Variants in PHF8 observed in about 807,000 individuals in gnomAD.
The protein encoded by PHF8 is PHD finger protein 8.
Under a neutral mutation model 74.4 loss-of-function variants are expected in PHF8, and 9 were observed. The observed-to-expected ratio is 0.12, with a 90% CI of 0.07 to 0.21. The LOEUF (loss-of-function observed/expected upper bound fraction) is 0.21. Ranked by LOEUF, PHF8 falls within the 10% of genes least tolerant of loss-of-function variation. PHF8 has a pLI of 1.00. For missense variants in PHF8, 478 were observed against 816.6 expected (o/e 0.59, Z 5.05); for synonymous variants, 311 against 316.6 (o/e 0.98, Z 0.19).
Position 53,939,014 on chromosome X carries a change from T to A in PHF8, c.*144A>T, listed in dbSNP as rs1245272386. 7 of 1,054,412 alleles carry A rather than the reference T, an allele frequency of 6.6e-6. No homozygotes were observed. The East Asian group carries it at 2.4e-4, about 36-fold the overall frequency. The allele number at this position is 1,054,412 out of a possible 1,213,427, so 86.9% of individuals were successfully genotyped here. On this transcript the variant is annotated 3_prime_UTR_variant, in exon 22 of 22. Transcript: ENST00000338154. Reference sequence around the variant, plus strand: ...GAACTAGAAGGAGTCGGTGGAGGGGTCCGTGCCTTTGGTAAGTCCCAAGAA... The same window carrying A: ...GAACTAGAAGGAGTCGGTGGAGGGGACCGTGCCTTTGGTAAGTCCCAAGAA...
intron 2 of PHF8, chrX:54,039,665 A>G (rs185111173): frequency 6.1e-4 from 68 of 112,343 alleles, no homozygotes; most frequent in African/African-American, 1.9e-3. Context: ...ATCAGCACTC[A>G]TATCAAGATG....
rs2064734862 is a variant in PHF8 at position 53,940,500 on chromosome X, T to G, written c.2666A>C (p.Gln889Pro). 3 of 1,200,566 alleles carry G rather than the reference T, an allele frequency of 2.5e-6. No individual in the cohort carries two copies. The highest frequency in any genetic ancestry group is 3.4e-6 in the Non-Finnish European group (3 of 886,826). The change falls in exon 21 of 22, where the codon CAA becomes CCA. Residue 889 changes from glutamine to proline, a missense_variant. Physicochemically the swap from Gln to Pro is moderately conservative, Grantham distance 76. Around this residue, in one of 9 missense-constraint regions of PHF8, gnomAD observed 75 missense variants for 93.3 expected, o/e 0.80. Transcript: ENST00000338154. ...KLAQQELQKA[Q>P]KKKYIKKKPL... is the part of the protein sequence containing the mutation. Reference sequence around the variant, plus strand: ...CTTCTTCTTGATATATTTCTTCTTTTGGGCCTTCTGTAGCTCCTGAAACAC... The same window carrying G: ...CTTCTTCTTGATATATTTCTTCTTTGGGGCCTTCTGTAGCTCCTGAAACAC...
rs1315181495 is a variant in PHF8 at position 53,940,235 on chromosome X, G to T, written c.2931C>A (p.Val977=). ...NRSTTPMAPG[V]FLTQRRPSVG... is the part of the protein sequence containing the mutation. ...CTGAAGGGCGCCGCTGGGTCAAGAAGACACCGGGGGCCATAGGTGTGGTGC... is the reference window on the plus strand; with the variant it reads ...CTGAAGGGCGCCGCTGGGTCAAGAATACACCGGGGGCCATAGGTGTGGTGC... Residue 977 remains valine, a synonymous_variant, in exon 21 of 22, where the codon GTC becomes GTA. Transcript: ENST00000338154. 1 of 1,192,477 alleles carries T rather than the reference G, an allele frequency of 8.4e-7. No individual in the cohort carries two copies. Among genetic ancestry groups the T allele is most frequent in the African/African-American group, 1.8e-5 (1 of 56,932 alleles).
intron 18 of PHF8, 32 bp downstream of exon 18, chrX:53,984,882 T>A (rs957731360): frequency 1.8e-6 from 2 of 1,128,411 alleles, no homozygotes; most frequent in African/African-American, 3.6e-5. Flanking sequence ...AGACCCCTTC[T>A]GGCCTGAACC....
At chrX:54,045,948 T>G (rs1331508367), upstream of PHF8, among the ~76,000 whole-genome samples, 1 of 24,869 alleles carries the variant, frequency 4.0e-5, no homozygotes, top group Admixed American at 7.5e-4. Context: ...GGTTTAGGGT[T>G]TTTTTTTTTT....
intron 2 of PHF8, among the ~76,000 whole-genome samples, chrX:54,029,634 C>T (rs1168273661): frequency 8.9e-6 from 1 of 112,197 alleles, no homozygotes; most frequent in Non-Finnish European, 1.9e-5. Flanking sequence ...CAGGCCCACA[C>T]AAGTACCCTG....
At chrX:53,943,230 T>G in intron 20 of PHF8, 1 of 934,819 alleles carries the variant, frequency 1.1e-6, no homozygotes, top group Non-Finnish European at 1.4e-6. Context: ...CAAAGAAGAT[T>G]GCCAAAGATT....
intron 2 of PHF8, among the ~76,000 whole-genome samples, chrX:54,026,779 G>A (rs1255537075): frequency 9.1e-6 from 1 of 110,058 alleles, no homozygotes; most frequent in African/African-American, 3.3e-5. Context: ...GTCTGTACGT[G>A]TGTTTTATAG....
intron 16 of PHF8, 61 bp from the exon 17 acceptor site, chrX:53,986,010 CA>C (rs1870963414): frequency 9.4e-7 from 1 of 1,069,232 alleles, no homozygotes; most frequent in South Asian, 1.9e-5. Context: ...GGCCCCAGTA[CA>C]GGGGCGATGA....
At chrX:53,945,413 G>A (rs2064819507) in intron 19 of PHF8, among the ~76,000 whole-genome samples, 2 of 109,140 alleles carry the variant, frequency 1.8e-5, no homozygotes, top group Admixed American at 2.0e-4. Context: ...AGGAGGCTGA[G>A]GCATGAGAAT....
intron 2 of PHF8, among the ~76,000 whole-genome samples, chrX:54,035,148 G>A (rs781803752): frequency 9.2e-6 from 1 of 109,119 alleles, no homozygotes; most frequent in African/African-American, 3.3e-5. Flanking sequence ...CATGAGGTCA[G>A]GAGTTCGAGA....
intron 2 of PHF8, among the ~76,000 whole-genome samples, chrX:54,037,606 T>G (rs782487147): frequency 8.9e-6 from 1 of 112,243 alleles, no homozygotes; most frequent in African/African-American, 3.2e-5. Flanking sequence ...CACCTGAAGA[T>G]ATCAAAAGGA....
chrX:54,043,946 C>G lies in PHF8; in HGVS notation c.-277G>C, dbSNP rs1189131205. 1.3e-6 allele frequency: 1 copy of G among 754,184 alleles called. No individual in the cohort carries two copies. The highest frequency in any genetic ancestry group is 1.6e-6 in the Non-Finnish European group (1 of 639,373). The allele number at this position is 754,184 out of a possible 1,213,427, so 62.2% of individuals were successfully genotyped here. A position where few individuals can be genotyped will look rare whatever the true frequency, so the allele number is the denominator to read the frequency against. On this transcript the variant is annotated 5_prime_UTR_variant, in exon 1 of 22. Coordinates refer to ENST00000338154, the MANE Select transcript of PHF8 (RefSeq NM_015107.3). ...CTAGCTCCGGGACTGCGAAGCGCCTCAGCGGAGGCTCGTCCGGTAGTTCCG... is the reference window on the plus strand; with the variant it reads ...CTAGCTCCGGGACTGCGAAGCGCCTGAGCGGAGGCTCGTCCGGTAGTTCCG...
At chrX:54,036,981 C>CG (rs1557114450) in intron 2 of PHF8, among the ~76,000 whole-genome samples, 3 of 95,118 alleles carry the variant, frequency 3.2e-5, no homozygotes, top group Non-Finnish European at 4.1e-5. Context: ...GCCTGGGCAA[C>CG]AGGCTGTTTC....
At chrX:53,974,447 T>C (rs1297116006) in intron 18 of PHF8, among the ~76,000 whole-genome samples, 1 of 111,998 alleles carries the variant, frequency 8.9e-6, no homozygotes, top group Non-Finnish European at 1.9e-5. Context: ...GGAACGCTTT[T>C]ACACTGTTGG....
chrX:54,035,067 G>A (rs782088277), intron 2 of PHF8, among the ~76,000 whole-genome samples: 5 of 110,564 alleles, frequency 4.5e-5, no homozygotes, highest in Non-Finnish European at 9.5e-5. Flanking sequence ...ATAAAGAAAA[G>A]TAAAGTTTCA....
At chrX:53,950,901 A>C (rs781784140) in intron 19 of PHF8, among the ~76,000 whole-genome samples, 4 of 112,276 alleles carry the variant, frequency 3.6e-5, no homozygotes, top group Non-Finnish European at 7.5e-5. Flanking sequence ...AAGTATAGCC[A>C]TTCACAAGAA....
At chrX:53,977,097 G>A (rs1442824191) in intron 18 of PHF8, among the ~76,000 whole-genome samples, 1 of 112,597 alleles carries the variant, frequency 8.9e-6, no homozygotes, top group African/African-American at 3.2e-5. Flanking sequence ...CACTTTGGGA[G>A]GCCAAGGTGG....
chrX:53,988,039 C>A (rs1569527038), intron 14 of PHF8, 95 bp from the exon 15 acceptor site: 5 of 655,248 alleles, frequency 7.6e-6, no homozygotes, highest in Non-Finnish European at 1.2e-5. Context: ...AGATTCAATA[C>A]AATCCCTATC....
Sources: gnomAD v4.1 joint callset for allele counts (sites outside exome capture counted in the v4.1 genomes callset) on GRCh38, gnomAD v4.1.1 for gene constraint, gnomAD v4.1.1 regional missense constraint, MANE v1.5 for transcripts, NCBI Gene and HGNC (gene_info 2026-07-23, HGNC 2026-07-21) for gene names.